The following FOXP1 variants were observed in gnomAD, a reference collection of about 807,000 sequenced individuals.
The protein encoded by FOXP1 is forkhead box protein P1.
A neutral mutation model predicts 98.2 loss-of-function variants in FOXP1; 15 were observed. That is an observed-to-expected ratio of 0.15 (90% CI 0.10 to 0.24). The LOEUF (loss-of-function observed/expected upper bound fraction) is 0.24, where lower values mean the gene tolerates loss of function less well. Among genes scored for constraint, FOXP1 ranks in the 10% least tolerant of loss-of-function variants. The pLI is 1.00. For missense variants in FOXP1, 633 were observed against 848.5 expected (o/e 0.75, Z 3.15); for synonymous variants, 371 against 314.5 (o/e 1.18, Z -1.90).
intron 3 of FOXP1, among the ~76,000 whole-genome samples, chr3:71,382,865 G>A (rs1051500185): frequency 6.6e-6 from 1 of 152,168 alleles, no homozygotes; most frequent in Non-Finnish European, 1.5e-5. Context: ...CTAATCCTTG[G>A]ATGGCATCTT....
intron 4 of FOXP1, among the ~76,000 whole-genome samples, chr3:71,300,981 ACTAT>A: frequency 6.6e-6 from 1 of 152,188 alleles, no homozygotes; most frequent in Non-Finnish European, 1.5e-5. Context: ...TTTGGTGTGT[ACTAT>A]CTTTGAGGAA....
intron 2 of FOXP1, among the ~76,000 whole-genome samples, chr3:71,534,387 C>G (rs1260789845): frequency 2.6e-5 from 4 of 151,986 alleles, no homozygotes; most frequent in Non-Finnish European, 5.9e-5. Context: ...ACAAAAAACC[C>G]TAAGGCTCTC....
At chr3:71,279,015 A>C (rs2071219710) in intron 5 of FOXP1, among the ~76,000 whole-genome samples, 1 of 151,884 alleles carries the variant, frequency 6.6e-6, no homozygotes, top group Non-Finnish European at 1.5e-5. Flanking sequence ...AACATGGCGA[A>C]ACTGTGTCTT....
intron 5 of FOXP1, among the ~76,000 whole-genome samples, chr3:71,246,103 T>C (rs771068081): frequency 4.6e-5 from 7 of 151,158 alleles, no homozygotes; most frequent in Admixed American, 1.3e-4. Context: ...AGAACTAATC[T>C]GGAGGCAGCT....
Position 71,139,214 on chromosome 3 carries a change from C to T in FOXP1, c.181-26577G>A, listed in dbSNP as rs142325331. 9.5e-4 allele frequency among the ~76,000 whole-genome samples: 144 copies of T among 152,166 alleles called. 2 individuals carry two copies. The highest frequency in any genetic ancestry group is 3.1e-3 in the African/African-American group (129 of 41,516). On this transcript the variant is annotated intron_variant, in intron 6 of 20. Transcript: ENST00000649528. Reference sequence around the variant, plus strand: ...AGCTTTCCCGGGCTAATTGGGGTAACGCAGAATCTCCTGGTCCTCTGTTCT... The same window carrying T: ...AGCTTTCCCGGGCTAATTGGGGTAATGCAGAATCTCCTGGTCCTCTGTTCT...
chr3:71,269,019 G>C (rs1238898720), intron 5 of FOXP1, among the ~76,000 whole-genome samples: 2 of 151,936 alleles, frequency 1.3e-5, no homozygotes, highest in African/African-American at 4.8e-5. Flanking sequence ...TAGACAGATA[G>C]AAACTTCACT....
intron 5 of FOXP1, among the ~76,000 whole-genome samples, chr3:71,281,039 C>CAAA (rs55640213): frequency 5.5e-3 from 450 of 82,418 alleles, no homozygotes; most frequent in Middle Eastern, 0.018. Context: ...CCCTTCTCTA[C>CAAA]AAAAAAAAAA....
chr3:71,337,443 G>A (rs2076751944), intron 4 of FOXP1, among the ~76,000 whole-genome samples: 1 of 152,174 alleles, frequency 6.6e-6, no homozygotes, highest in African/African-American at 2.4e-5. Flanking sequence ...GTTCAGAACT[G>A]ATCTGTGCGC....
At chr3:71,268,997 G>C (rs1354488152) in intron 5 of FOXP1, among the ~76,000 whole-genome samples, 2 of 152,100 alleles carry the variant, frequency 1.3e-5, no homozygotes, top group African/African-American at 4.8e-5. Flanking sequence ...AATCTGGGAA[G>C]GTAAATGAAC....
At chr3:71,551,209 A>G (rs1221537951) in intron 2 of FOXP1, among the ~76,000 whole-genome samples, 2 of 152,216 alleles carry the variant, frequency 1.3e-5, no homozygotes, top group Non-Finnish European at 2.9e-5. Context: ...AACAATTCCT[A>G]CAGCATAAAA....
chr3:71,362,898 G>C (rs1242177273), intron 3 of FOXP1, among the ~76,000 whole-genome samples: 2 of 152,144 alleles, frequency 1.3e-5, no homozygotes, highest in Admixed American at 6.5e-5. Flanking sequence ...ATTAATAAAT[G>C]CTGTTGTATT....
intron 3 of FOXP1, among the ~76,000 whole-genome samples, chr3:71,378,740 T>C (rs1392845386): frequency 6.6e-6 from 1 of 151,704 alleles, no homozygotes; most frequent in Non-Finnish European, 1.5e-5. Flanking sequence ...ATAACTGTTA[T>C]ATTGTTTAAT....
chr3:71,118,676 C>T (rs2107798568), intron 6 of FOXP1, among the ~76,000 whole-genome samples: 1 of 152,196 alleles, frequency 6.6e-6, no homozygotes, highest in East Asian at 1.9e-4. Flanking sequence ...CGGTCTATCA[C>T]CTGTGTTGTA....
At chr3:71,369,498 G>C (rs1203127797) in intron 3 of FOXP1, among the ~76,000 whole-genome samples, 2 of 152,150 alleles carry the variant, frequency 1.3e-5, no homozygotes, top group East Asian at 3.9e-4. Flanking sequence ...GGGTTCAAGC[G>C]ATTCTCCTGC....
chr3:71,191,509 CT>C (rs2108340084), intron 6 of FOXP1, among the ~76,000 whole-genome samples: 1 of 152,246 alleles, frequency 6.6e-6, no homozygotes, highest in African/African-American at 2.4e-5. Context: ...TGTTACAGGT[CT>C]TTTTTCTTCT....
chr3:71,408,645 T>C (rs938657747), intron 3 of FOXP1, among the ~76,000 whole-genome samples: 2 of 152,198 alleles, frequency 1.3e-5, no homozygotes, highest in Admixed American at 1.3e-4. Context: ...AGTAAAACAG[T>C]TGGTGGATGT....
At chr3:71,337,590 C>G (rs1013531693) in intron 4 of FOXP1, among the ~76,000 whole-genome samples, 1 of 152,166 alleles carries the variant, frequency 6.6e-6, no homozygotes, top group Non-Finnish European at 1.5e-5. Flanking sequence ...ATTGGCTATT[C>G]TTTGAAGTAA....
intron 7 of FOXP1, among the ~76,000 whole-genome samples, chr3:71,094,927 A>G (rs144371127): frequency 1.9e-4 from 29 of 152,344 alleles, no homozygotes; most frequent in African/African-American, 6.3e-4. Flanking sequence ...TCTATTAGTC[A>G]AAATCCTGAT....
intron 6 of FOXP1, among the ~76,000 whole-genome samples, chr3:71,185,591 CAGAT>C (rs1313902941): frequency 6.6e-6 from 1 of 152,188 alleles, no homozygotes; most frequent in African/African-American, 2.4e-5. Context: ...CCTGGGTAGA[CAGAT>C]AGTCCCAGGC....
Sources: allele counts gnomAD v4.1 joint callset (sites outside exome capture counted in the v4.1 genomes callset), GRCh38; gene constraint gnomAD v4.1.1; transcripts MANE v1.5; gene names NCBI Gene and HGNC (gene_info 2026-07-23, HGNC 2026-07-21).